The following ESRRG variants were observed in gnomAD, a reference collection of about 807,000 sequenced individuals.
The protein encoded by ESRRG is estrogen-related receptor gamma.
Under a neutral mutation model 44.0 loss-of-function variants are expected in ESRRG, and 13 were observed. The observed-to-expected ratio is 0.30, with a 90% confidence interval of 0.19 to 0.47. The LOEUF (loss-of-function observed/expected upper bound fraction) is 0.47, where lower values mean the gene tolerates loss of function less well. Among genes scored for constraint, ESRRG ranks in the 20% least tolerant of loss-of-function variants. The pLI is 1.00. For synonymous variants in ESRRG, 215 were observed against 214.6 expected (o/e 1.00, Z -0.02); for missense variants, 395 against 580.6 (o/e 0.68, Z 3.29).
chr1:217,017,211 C>T (rs1485384046), intron 1 of ESRRG, among the ~76,000 whole-genome samples: 1 of 152,012 alleles, frequency 6.6e-6, no homozygotes, highest in African/African-American at 2.4e-5. Context: ...TAATCTATGG[C>T]CATCACACTA....
At chr1:216,669,980 CTG>C (rs538741087) in intron 2 of ESRRG, among the ~76,000 whole-genome samples, 132 of 152,292 alleles carry the variant, frequency 8.7e-4, no homozygotes, top group African/African-American at 3.1e-3. Context: ...TGCATTCAAA[CTG>C]ATAATCACTG....
chr1:216,625,601 C>T (rs866687254), intron 3 of ESRRG, among the ~76,000 whole-genome samples: 1 of 152,066 alleles, frequency 6.6e-6, no homozygotes, highest in African/African-American at 2.4e-5. Context: ...AATTAAGATT[C>T]AAACTCTGGA....
chr1:217,035,678 G>A (rs1178216509), intron 1 of ESRRG, among the ~76,000 whole-genome samples: 14 of 133,034 alleles, frequency 1.1e-4, no homozygotes, highest in Middle Eastern at 3.5e-3. Flanking sequence ...TAGGGATTCC[G>A]TGAAAAAAAA....
intron 5 of ESRRG, among the ~76,000 whole-genome samples, chr1:216,528,215 G>T (rs948708039): frequency 5.9e-5 from 9 of 152,104 alleles, no homozygotes; most frequent in African/African-American, 2.2e-4. Flanking sequence ...GTTTATTAAG[G>T]CACTGATTTC....
chr1:216,712,523 G>A (rs1020652389), intron 1 of ESRRG, among the ~76,000 whole-genome samples: 1 of 152,134 alleles, frequency 6.6e-6, no homozygotes. Context: ...ACCCTCAGAT[G>A]AGAAGGAGAA....
intron 2 of ESRRG, among the ~76,000 whole-genome samples, chr1:216,920,961 C>T (rs1040692550): frequency 6.6e-5 from 10 of 152,106 alleles, no homozygotes; most frequent in Non-Finnish European, 2.9e-5. Flanking sequence ...AAGTTTAAAT[C>T]CCAGACCCAA....
chr1:216,913,340 ATT>A, intron 2 of ESRRG, among the ~76,000 whole-genome samples: 1 of 148,490 alleles, frequency 6.7e-6, no homozygotes, highest in Non-Finnish European at 1.5e-5. Flanking sequence ...ATATTACACT[ATT>A]TTATATCAGG....
intron 2 of ESRRG, among the ~76,000 whole-genome samples, chr1:216,905,221 G>A (rs1560054677): frequency 6.6e-6 from 1 of 152,084 alleles, no homozygotes; most frequent in Non-Finnish European, 1.5e-5. Context: ...GGGCGACAAG[G>A]CTGAATGCAA....
chr1:216,963,595 G>A (rs1466930542), intron 1 of ESRRG, among the ~76,000 whole-genome samples: 1 of 152,122 alleles, frequency 6.6e-6, no homozygotes, highest in Non-Finnish European at 1.5e-5. Flanking sequence ...ATCCTAAAAT[G>A]AAGCTTTTAA....
intron 2 of ESRRG, among the ~76,000 whole-genome samples, chr1:216,907,319 C>T (rs1348590687): frequency 6.6e-6 from 1 of 152,212 alleles, no homozygotes; most frequent in South Asian, 2.1e-4. Context: ...TAATCTCACA[C>T]TCCCACAGCC....
intron 1 of ESRRG, among the ~76,000 whole-genome samples, chr1:217,087,275 C>T (rs1027114956): frequency 7.9e-5 from 12 of 152,154 alleles, no homozygotes; most frequent in Non-Finnish European, 1.3e-4. Context: ...AGCTGTCTGC[C>T]GGGTTAGTTA....
rs146951053 is a variant in ESRRG at position 216,814,098 on chromosome 1, G to T, written c.-14+125484C>A. Among the ~76,000 whole-genome samples the T allele has an allele frequency of 6.1e-3, 920 of 150,866 alleles. 7 individuals are homozygous for T. Among genetic ancestry groups the T allele is most frequent in the Non-Finnish European group, 9.9e-3 (668 of 67,778 alleles). On this transcript the variant is annotated intron_variant, in intron 2 of 7. Transcript: ENST00000359162. The stretch of plus-strand genomic sequence containing the variant: ...GAAAGTAGTGCTAATGTGCCCAAAA[G>T]GCTTAAGTCCTTGGTCATGGGAAAA...
At chr1:216,845,424 A>G (rs2095728264) in intron 2 of ESRRG, among the ~76,000 whole-genome samples, 1 of 152,194 alleles carries the variant, frequency 6.6e-6, no homozygotes, top group South Asian at 2.1e-4. Flanking sequence ...CACCTACTGT[A>G]GAAAAACAAA....
intron 1 of ESRRG, among the ~76,000 whole-genome samples, chr1:217,095,975 T>C (rs12070306): frequency 0.011 from 1,629 of 152,340 alleles, 30 homozygotes; most frequent in African/African-American, 0.037. Flanking sequence ...TAGTGATGGC[T>C]TAAGCTGGTA....
At chr1:216,545,790 C>T (rs952336637) in intron 5 of ESRRG, among the ~76,000 whole-genome samples, 2 of 151,932 alleles carry the variant, frequency 1.3e-5, no homozygotes, top group Non-Finnish European at 2.9e-5. Context: ...TTCAAATGTT[C>T]CCTGGCCACT....
At chr1:216,929,722 C>T (rs1428613081) in intron 2 of ESRRG, among the ~76,000 whole-genome samples, 1 of 152,164 alleles carries the variant, frequency 6.6e-6, no homozygotes, top group Non-Finnish European at 1.5e-5. Flanking sequence ...GTGCAGACCA[C>T]AGGGGGCCTA....
chr1:216,786,414 T>G (rs1364219833), intron 2 of ESRRG, among the ~76,000 whole-genome samples: 1 of 152,112 alleles, frequency 6.6e-6, no homozygotes, highest in East Asian at 1.9e-4. Context: ...AAATGTGTAT[T>G]GAGTGACCTA....
chr1:217,112,364 A>G (rs1334540231), intron 1 of ESRRG, among the ~76,000 whole-genome samples: 2 of 152,206 alleles, frequency 1.3e-5, no homozygotes, highest in East Asian at 1.9e-4. Context: ...GGAGATAGAT[A>G]TGAAAGCTGC....
At chr1:216,658,886 A>AAAT (rs2071431536) in intron 2 of ESRRG, among the ~76,000 whole-genome samples, 1 of 147,630 alleles carries the variant, frequency 6.8e-6, no homozygotes, top group Non-Finnish European at 1.5e-5. Context: ...AAGAGAAGAG[A>AAAT]AGAGAAGAGA....
Sources: allele counts gnomAD v4.1 joint callset (sites outside exome capture counted in the v4.1 genomes callset), GRCh38; gene constraint gnomAD v4.1.1; transcripts MANE v1.5; gene names NCBI Gene and HGNC (gene_info 2026-07-23, HGNC 2026-07-21).